The following RECK variants were observed in gnomAD, a reference collection of about 807,000 sequenced individuals.
The protein encoded by RECK is reversion inducing cysteine rich protein with kazal motifs.
In RECK, 69 loss-of-function variants were observed where a neutral mutation model predicts 115.1. That is an observed-to-expected ratio of 0.60 (90% CI 0.49 to 0.73). RECK has a LOEUF of 0.73. Among genes scored for constraint, RECK ranks in the 30% least tolerant of loss-of-function variants. RECK has a pLI of 0.00. For missense variants in RECK, 1,047 were observed against 1,203.7 expected (o/e 0.87, Z 1.93); for synonymous variants, 414 against 419.7 (o/e 0.99, Z 0.17).
intron 11 of RECK, among the ~76,000 whole-genome samples, chr9:36,101,545 C>A (rs556899276): frequency 6.6e-6 from 1 of 152,224 alleles, no homozygotes; most frequent in African/African-American, 2.4e-5. Flanking sequence ...TGAGGTATAA[C>A]AATTAGGTGA....
intron 12 of RECK, among the ~76,000 whole-genome samples, chr9:36,104,333 T>TA (rs1823713022): frequency 2.4e-5 from 1 of 41,204 alleles, no homozygotes; most frequent in African/African-American, 1.2e-4. Flanking sequence ...TATATTTTTT[T>TA]TTTTTTTTTT....
intron 2 of RECK, among the ~76,000 whole-genome samples, chr9:36,054,694 T>G (rs536504017): frequency 3.8e-4 from 58 of 152,210 alleles, no homozygotes; most frequent in African/African-American, 1.3e-3. Context: ...CTGCAGGCAT[T>G]AAAAATTTTT....
Position 36,104,234 on chromosome 9 carries a change from G to A in RECK, c.1436-909G>A, listed in dbSNP as rs557075850. Among the ~76,000 whole-genome samples, 334 of 126,304 alleles carry A rather than the reference G, an allele frequency of 2.6e-3. 1 individual carries two copies. The highest frequency in any genetic ancestry group is 0.011 in the Middle Eastern group (2 of 178). The allele number at this position is 126,304 out of a possible 152,430, so 82.9% of individuals were successfully genotyped here. On this transcript the variant is annotated intron_variant, in intron 12 of 20. Coordinates refer to ENST00000377966, the MANE Select transcript of RECK (RefSeq NM_021111.3). ...CACTACTTATTACTTACAATTTTCTGACTTAATTATTTATTTATAGATACA... is the reference window on the plus strand; with the variant it reads ...CACTACTTATTACTTACAATTTTCTAACTTAATTATTTATTTATAGATACA...
intron 12 of RECK, among the ~76,000 whole-genome samples, chr9:36,103,312 C>T (rs1356321325): frequency 6.6e-6 from 1 of 152,214 alleles, no homozygotes; most frequent in Non-Finnish European, 1.5e-5. Flanking sequence ...AAAGAAAGCC[C>T]AGAAACAAAT....
intron 6 of RECK, among the ~76,000 whole-genome samples, chr9:36,069,049 C>T (rs1822123589): frequency 6.6e-6 from 1 of 151,882 alleles, no homozygotes; most frequent in East Asian, 1.9e-4. Flanking sequence ...GGGATTTCCA[C>T]GGATAAAGTC....
chr9:36,085,145 TA>T, intron 8 of RECK: 1 of 190,672 alleles, frequency 5.2e-6, no homozygotes, highest in South Asian at 6.4e-5. Flanking sequence ...AGTTTATACC[TA>T]ATTGTTTCAC....
At chr9:36,049,425 C>T (rs1274525107) in intron 1 of RECK, among the ~76,000 whole-genome samples, 2 of 151,938 alleles carry the variant, frequency 1.3e-5, no homozygotes, top group Admixed American at 6.6e-5. Flanking sequence ...TCAGGGGTGT[C>T]TAATCTTTTG....
chr9:36,111,285 G>A (rs1824032768), intron 15 of RECK, among the ~76,000 whole-genome samples: 1 of 152,152 alleles, frequency 6.6e-6, no homozygotes, highest in Non-Finnish European at 1.5e-5. Context: ...CACTCCAAAT[G>A]TGACTCAGAG....
intron 15 of RECK, among the ~76,000 whole-genome samples, 172 bp from the exon 16 acceptor site, chr9:36,112,133 A>AC (rs1471348776): frequency 9.4e-4 from 142 of 151,084 alleles, no homozygotes; most frequent in South Asian, 1.5e-3. Context: ...AAAAAAAAAA[A>AC]AAAAAAAAAA....
At chr9:36,087,469 C>T (rs975578576) in intron 8 of RECK, among the ~76,000 whole-genome samples, 17 of 152,096 alleles carry the variant, frequency 1.1e-4, no homozygotes, top group Non-Finnish European at 2.2e-4. Flanking sequence ...GGGAGGGGAA[C>T]ATCACACACC....
Position 36,100,593 on chromosome 9 carries a change from G to A in RECK, c.1298+50G>A, listed in dbSNP as rs143937664. 3.6e-4 allele frequency: 492 copies of A among 1,378,736 alleles called. No homozygotes were observed. The African/African-American group carries it at 5.5e-3, about 15-fold the overall frequency. 85.4% of individuals were successfully genotyped at this position (1,378,736 alleles called of 1,614,324 possible). ...TCTCCAGCTTTAGTTCAGACCCTCC[G>A]TGATCTCTAGCCAGAGCCTCTCCAT... On this transcript the variant is annotated intron_variant, in intron 11 of 20. Coordinates refer to ENST00000377966, the MANE Select transcript of RECK (RefSeq NM_021111.3).
intron 20 of RECK, 27 bp downstream of exon 20, chr9:36,121,715 A>G (rs1422233028): frequency 6.8e-6 from 11 of 1,608,132 alleles, no homozygotes; most frequent in African/African-American, 1.3e-5. Context: ...TTGTGAAGCC[A>G]TCTTGTCACT....
intron 6 of RECK, among the ~76,000 whole-genome samples, chr9:36,078,866 TTTA>T (rs1235854237): frequency 5.4e-5 from 8 of 149,164 alleles, no homozygotes; most frequent in Middle Eastern, 3.4e-3. Flanking sequence ...TTTATTTTAT[TTTA>T]TTATTTGTTT....
At chr9:36,109,821 G>A (rs1046716111) in intron 14 of RECK, 136 bp from the exon 15 acceptor site, 3 of 846,410 alleles carry the variant, frequency 3.5e-6, no homozygotes, top group Non-Finnish European at 5.5e-6. Context: ...TCCAGCCTGG[G>A]CGATAGAATG....
intron 1 of RECK, 76 bp downstream of exon 1, chr9:36,037,174 G>C (rs1048562747): frequency 5.7e-6 from 6 of 1,054,584 alleles, no homozygotes; most frequent in Middle Eastern, 2.8e-4. Flanking sequence ...CGCGGGGCAG[G>C]GGGCGGGGGT....
intron 6 of RECK, among the ~76,000 whole-genome samples, chr9:36,080,366 T>G (rs554866215): frequency 6.6e-6 from 1 of 152,346 alleles, no homozygotes; most frequent in South Asian, 2.1e-4. Context: ...ATAAACTTGG[T>G]TTGCTATAAC....
rs116343085 is a variant in RECK at position 36,048,304 on chromosome 9, C to T, written c.101-3961C>T. ...CCTCTTTTCAGTCTTCTGCGCTCTA[C>T]AACAGTTACATGCCTCTGATGATTA... On this transcript the variant is annotated intron_variant, in intron 1 of 20. Coordinates refer to ENST00000377966, the MANE Select transcript of RECK (RefSeq NM_021111.3). Among the ~76,000 whole-genome samples, 1,070 of 151,944 alleles carry T rather than the reference C, an allele frequency of 7.0e-3. 12 individuals carry two copies. Among genetic ancestry groups the T allele is most frequent in the African/African-American group, 0.023 (952 of 41,344 alleles).
chr9:36,112,190 AT>A, intron 15 of RECK, 114 bp from the exon 16 acceptor site: 1 of 858,866 alleles, frequency 1.2e-6, no homozygotes. Flanking sequence ...TTAATTTACA[AT>A]TCTATTTTAA....
intron 1 of RECK, among the ~76,000 whole-genome samples, chr9:36,040,913 A>C (rs1489490467): frequency 3.9e-5 from 6 of 152,078 alleles, no homozygotes; most frequent in Non-Finnish European, 8.8e-5. Context: ...TAAGGTAAGG[A>C]AAGGAGAGAA....
Sources: allele counts gnomAD v4.1 joint callset (sites outside exome capture counted in the v4.1 genomes callset), GRCh38; gene constraint gnomAD v4.1.1; transcripts MANE v1.5; gene names NCBI Gene and HGNC (gene_info 2026-07-23, HGNC 2026-07-21).